Variants in SLC47A2 observed in about 807,000 individuals in gnomAD.
SLC47A2 encodes solute carrier family 47 member 2.
In SLC47A2, 52 loss-of-function variants were observed where a neutral mutation model predicts 67.7. That is an observed-to-expected ratio of 0.77 (90% CI 0.61 to 0.97). The LOEUF is 0.97. SLC47A2 is among the 50% of genes least tolerant of loss of function. The pLI, the probability that SLC47A2 is intolerant of heterozygous loss-of-function variation, is 0.00. For synonymous variants in SLC47A2, 278 were observed against 292.9 expected, an observed-to-expected ratio of 0.95 and a Z score of 0.52; for missense variants, 676 against 712.3, an observed-to-expected ratio of 0.95 and a Z score of 0.58.
At position 19,716,454 on chromosome 17, in the gene SLC47A2, G is replaced by C. The variant is rs758455052; in HGVS notation, c.102C>G (p.Leu34=). The change falls in exon 1 of 17, where the codon CTC becomes CTG. Residue 34 remains leucine (L), a synonymous_variant. Transcript: ENST00000433844. ...TTACCAGGGGTCCAGAAAGGGCAAAGAGAGTCCACATCTCAGTCCCAAAGC... is the reference window on the plus strand; with the variant it reads ...TTACCAGGGGTCCAGAAAGGGCAAACAGAGTCCACATCTCAGTCCCAAAGC... The part of the protein sequence containing the change: ...PRGFGTEMWT[L]FALSGPLFLF... 7 of 1,611,832 alleles carry C rather than the reference G, an allele frequency of 4.3e-6. No homozygotes were observed. In the African/African-American group the frequency reaches 5.3e-5, roughly 12 times the overall value.
At chr17:19,716,214 C>T in intron 1 of SLC47A2, 1 of 660,794 alleles carries the variant, frequency 1.5e-6, no homozygotes, top group Non-Finnish European at 2.4e-6. Context: ...GTGGGGGCTG[C>T]CTGCTGCTGA....
intron 10 of SLC47A2, chr17:19,704,822 CTT>C (rs6146013): frequency 0.072 from 19,411 of 269,422 alleles, 126 homozygotes; most frequent in African/African-American, 0.13. Context: ...ATGGAATGTG[CTT>C]TTTTTTTTTT....
At chr17:19,683,468 G>C (rs1455019238) in intron 13 of SLC47A2, among the ~76,000 whole-genome samples, 1 of 152,238 alleles carries the variant, frequency 6.6e-6, no homozygotes, top group Non-Finnish European at 1.5e-5. Flanking sequence ...GCCTGTTTGG[G>C]AGAAGCCATC....
At chr17:19,708,816 G>C in intron 5 of SLC47A2, 56 bp from the exon 6 acceptor site, 1 of 1,589,598 alleles carries the variant, frequency 6.3e-7, no homozygotes, top group Non-Finnish European at 8.6e-7. Flanking sequence ...CTCACCAAAT[G>C]AGCATTAACA....
chr17:19,679,445 G>T (rs1335836995), intron 16 of SLC47A2, among the ~76,000 whole-genome samples: 1 of 152,212 alleles, frequency 6.6e-6, no homozygotes, highest in Non-Finnish European at 1.5e-5. Flanking sequence ...AAACCAGAGA[G>T]ATGTTTGTCT....
At chr17:19,705,626 G>A in intron 9 of SLC47A2, 123 bp from the exon 10 acceptor site, 2 of 843,550 alleles carry the variant, frequency 2.4e-6, no homozygotes, top group Non-Finnish European at 1.7e-6. Flanking sequence ...TTGAGACAGG[G>A]TCTCACTCTG....
At chr17:19,716,711 GC>G, upstream of SLC47A2, 1 of 1,150,530 alleles carries the variant, frequency 8.7e-7, no homozygotes, top group Non-Finnish European at 1.2e-6. Flanking sequence ...TGTGGGATGA[GC>G]CCTGCCTCCT....
chr17:19,708,323 G>A lies in SLC47A2; in HGVS notation c.608C>T (p.Ser203Phe). The A allele has an allele frequency of 1.2e-6, 2 of 1,613,248 alleles. No individual in the cohort carries two copies. Among genetic ancestry groups the A allele is most frequent in the South Asian group, 2.2e-5 (2 of 91,040 alleles). ...VNGVANYALV[S>F]VLNLGVRGSA... The stretch of plus-strand genomic sequence containing the variant: ...TCACCTGACCCCCAGGTTCAGCACA[G>A]AAACCAGGGCATAGTTGGCCACACC... Residue 203 changes from serine (S) to phenylalanine (F), a missense_variant, in exon 7 of 17, where the codon TCT becomes TTT. Physicochemically the swap from Ser to Phe is radical, Grantham distance 155. Coordinates refer to ENST00000433844, the MANE Select transcript of SLC47A2 (RefSeq NM_001099646.3).
chr17:19,708,383 TG>T lies in SLC47A2; in HGVS notation c.547del (p.Gln183LysfsTer23). ...GTTGCCCACCACACCACTGAGGACT[TG>T]GGGCCAGGTGATCTTCTGAAATAAA... ...YLQNQKITWPQVLSGVVGNCV... is the reference protein window; with the variant it reads ...YLQNQKITWPXVLSGVVGNCV... On this transcript the variant is annotated frameshift_variant, in exon 7 of 17. Coordinates refer to ENST00000433844, the MANE Select transcript of SLC47A2 (RefSeq NM_001099646.3). LOFTEE classifies it high-confidence loss of function. The T allele has an allele frequency of 6.2e-7, 1 of 1,614,046 alleles. No individual in the cohort carries two copies. Among genetic ancestry groups the T allele is most frequent in the Non-Finnish European group, 8.5e-7 (1 of 1,180,006 alleles).
At chr17:19,699,919 C>T (rs538094918) in intron 13 of SLC47A2, among the ~76,000 whole-genome samples, 1 of 152,270 alleles carries the variant, frequency 6.6e-6, no homozygotes, top group East Asian at 1.9e-4. Context: ...GGCAGTATTT[C>T]CATACAATGG....
intron 13 of SLC47A2, among the ~76,000 whole-genome samples, chr17:19,689,320 A>C (rs1465425368): frequency 6.6e-6 from 1 of 152,232 alleles, no homozygotes; most frequent in Admixed American, 6.5e-5. Context: ...CTGTATGCCA[A>C]CAGCAAACAA....
Position 19,705,418 on chromosome 17 carries a change from C to T in SLC47A2, c.909+18G>A. On this transcript the variant is annotated intron_variant, in intron 10 of 16. Coordinates refer to ENST00000433844, the MANE Select transcript of SLC47A2 (RefSeq NM_001099646.3). ...TCAGGTGGGGGATGTGGGGAAGGCA[C>T]CCCTGCAGGAGCCTTACCATGTAGG... 1 of 1,605,710 alleles carries T rather than the reference C, an allele frequency of 6.2e-7. No homozygotes were observed. The highest frequency in any genetic ancestry group is 1.1e-5 in the South Asian group (1 of 89,500).
At chr17:19,705,527 T>C (rs2152352399) in intron 9 of SLC47A2, 24 bp from the exon 10 acceptor site, 1 of 1,601,920 alleles carries the variant, frequency 6.2e-7, no homozygotes, top group East Asian at 2.3e-5. Flanking sequence ...CCGCCGTGAG[T>C]CCGGCCCGCA....
intron 13 of SLC47A2, chr17:19,692,183 G>C: frequency 2.6e-6 from 1 of 382,750 alleles, no homozygotes; most frequent in Non-Finnish European, 5.0e-6. Flanking sequence ...AGCCAAGATC[G>C]TGCCACTGCA....
intron 10 of SLC47A2, chr17:19,704,804 G>T: frequency 2.7e-6 from 2 of 729,348 alleles, no homozygotes; most frequent in Non-Finnish European, 4.2e-6. Context: ...AATGTGGCCT[G>T]CTGCTCGATG....
chr17:19,689,411 A>G (rs1015614641), intron 13 of SLC47A2, among the ~76,000 whole-genome samples: 53 of 152,272 alleles, frequency 3.5e-4, no homozygotes, highest in African/African-American at 4.6e-4. Context: ...AAGAAATGAA[A>G]GATGGCCAGG....
chr17:19,681,192 G>A (rs1004432862), intron 15 of SLC47A2, among the ~76,000 whole-genome samples, 175 bp downstream of exon 15: 4 of 151,862 alleles, frequency 2.6e-5, no homozygotes, highest in African/African-American at 9.7e-5. Context: ...CAGCCTGGGC[G>A]ACAGAGTGAG....
chr17:19,714,616 C>T (rs2086199378), intron 3 of SLC47A2, 105 bp downstream of exon 3: 2 of 1,381,752 alleles, frequency 1.4e-6, no homozygotes. Context: ...GCCCATTGCT[C>T]CCAGATCACC....
intron 13 of SLC47A2, among the ~76,000 whole-genome samples, chr17:19,698,516 T>C (rs577730591): frequency 1.3e-5 from 2 of 152,258 alleles, no homozygotes; most frequent in East Asian, 3.9e-4. Flanking sequence ...CATGCTTGGC[T>C]AATTTTTGTA....
Sources: gnomAD v4.1 joint callset for allele counts (sites outside exome capture counted in the v4.1 genomes callset) on GRCh38, gnomAD v4.1.1 for gene constraint, MANE v1.5 for transcripts, NCBI Gene and HGNC (gene_info 2026-07-23, HGNC 2026-07-21) for gene names.